The following PATJ variants were observed in gnomAD, a reference collection of about 807,000 sequenced individuals.
PATJ encodes PATJ crumbs cell polarity complex component, also known as inaD-like protein.
PATJ carries 190 observed loss-of-function variants against 224.9 expected under a neutral mutation model. The observed-to-expected ratio is 0.84, with a 90% CI of 0.75 to 0.95. The LOEUF (loss-of-function observed/expected upper bound fraction) is 0.95, where lower values mean the gene tolerates loss of function less well. Ranked by LOEUF, PATJ falls within the 40% of genes least tolerant of loss-of-function variation. PATJ has a pLI of 0.00. For synonymous variants in PATJ, 769 were observed against 820.3 expected, an observed-to-expected ratio of 0.94 and a Z score of 1.07; for missense variants, 2,121 against 2,270.3, an observed-to-expected ratio of 0.93 and a Z score of 1.34.
At chr1:61,815,162 G>T (rs987912138) in intron 14 of PATJ, among the ~76,000 whole-genome samples, 4 of 152,212 alleles carry the variant, frequency 2.6e-5, no homozygotes, top group Non-Finnish European at 4.4e-5. Flanking sequence ...TCTGAGCCCA[G>T]GCTTGAAGGA....
At chr1:62,002,565 C>T (rs1645839480) in intron 28 of PATJ, among the ~76,000 whole-genome samples, 3 of 151,788 alleles carry the variant, frequency 2.0e-5, no homozygotes, top group Non-Finnish European at 2.9e-5. Context: ...AAAAATTAGC[C>T]GGGTGTGGTA....
At chr1:61,916,784 G>T (rs1673507111) in intron 26 of PATJ, among the ~76,000 whole-genome samples, 2 of 152,186 alleles carry the variant, frequency 1.3e-5, no homozygotes, top group Non-Finnish European at 1.5e-5. Context: ...GGAGGCTAGA[G>T]TCTTCTTTCA....
chr1:62,121,156 G>A (rs377452948), intron 37 of PATJ, 25 bp from the exon 38 acceptor site: 5 of 1,490,890 alleles, frequency 3.4e-6, no homozygotes, highest in African/African-American at 1.4e-5. Flanking sequence ...TCTGCACACA[G>A]GTGACCCCTG....
chr1:61,892,884 G>A (rs1669806674), intron 22 of PATJ, among the ~76,000 whole-genome samples: 2 of 152,128 alleles, frequency 1.3e-5, no homozygotes, highest in African/African-American at 4.8e-5. Flanking sequence ...TGTTCTGTAG[G>A]TTTGGAAAGT....
At chr1:62,079,139 A>G (rs1481931829) in intron 31 of PATJ, among the ~76,000 whole-genome samples, 1 of 152,130 alleles carries the variant, frequency 6.6e-6, no homozygotes, top group Non-Finnish European at 1.5e-5. Context: ...TAGAAATTGC[A>G]AGATAATTTT....
Position 61,939,676 on chromosome 1 carries a change from C to CTTTTTTTTTTTTTTTTT in PATJ, c.3670+11857_3670+11873dup, listed in dbSNP as rs71050183. 3.4e-5 allele frequency among the ~76,000 whole-genome samples: 2 copies of CTTTTTTTTTTTTTTTTT among 58,874 alleles called. 1 individual carries two copies. The highest frequency in any genetic ancestry group is 1.9e-4 in the African/African-American group (2 of 10,670). 38.6% of individuals were successfully genotyped at this position (58,874 alleles called of 152,430 possible). A position where few individuals can be genotyped will look rare whatever the true frequency, so the allele number is the denominator to read the frequency against. Reference sequence around the variant, plus strand: ...AGCATGTATAAAAAGTTTCTATGTGCTTTTTTTTTTTTTTTTTTTTTTTTT... The same window carrying CTTTTTTTTTTTTTTTTT: ...AGCATGTATAAAAAGTTTCTATGTGCTTTTTTTTTTTTTTTTTTTTTTTTTTTTTTTTTTTTTTTTTT... On this transcript the variant is annotated intron_variant, in intron 27 of 43. Transcript: ENST00000642238.
At chr1:62,145,912 C>T (rs1224268309) in intron 41 of PATJ, among the ~76,000 whole-genome samples, 2 of 152,120 alleles carry the variant, frequency 1.3e-5, no homozygotes, top group African/African-American at 4.8e-5. Context: ...GAGCCGAGAT[C>T]GTGCCACTGC....
chr1:62,148,677 A>G (rs1438214921), intron 42 of PATJ, among the ~76,000 whole-genome samples: 1 of 152,080 alleles, frequency 6.6e-6, no homozygotes, highest in African/African-American at 2.4e-5. Context: ...ACGCTGCTTT[A>G]TTGTGCAAGG....
At chr1:61,952,477 T>C (rs1264836265) in intron 27 of PATJ, 2 of 715,482 alleles carry the variant, frequency 2.8e-6, no homozygotes, top group African/African-American at 3.5e-5. Context: ...TGTTTTAGTG[T>C]TGGTGCAGAA....
chr1:61,780,749 T>C (rs887860034), intron 7 of PATJ, among the ~76,000 whole-genome samples: 10 of 152,166 alleles, frequency 6.6e-5, no homozygotes, highest in African/African-American at 2.4e-4. Flanking sequence ...GTTTCTTTAC[T>C]GTAAGAATTT....
chr1:61,861,280 C>CTTTTTTTT (rs1420297062), intron 18 of PATJ, among the ~76,000 whole-genome samples: 12 of 28,638 alleles, frequency 4.2e-4, no homozygotes, highest in South Asian at 1.3e-3. Flanking sequence ...TATTTTCTTT[C>CTTTTTTTT]TTTCTTTTTT....
At chr1:62,064,922 A>G (rs1202411676) in intron 31 of PATJ, among the ~76,000 whole-genome samples, 1 of 152,212 alleles carries the variant, frequency 6.6e-6, no homozygotes, top group Admixed American at 6.5e-5. Flanking sequence ...GCAGGAGTCT[A>G]GGAATTCCCT....
intron 20 of PATJ, among the ~76,000 whole-genome samples, chr1:61,869,501 A>G (rs1000743819): frequency 9.9e-5 from 15 of 152,116 alleles, no homozygotes; most frequent in Non-Finnish European, 2.2e-4. Flanking sequence ...ACCCACCTCA[A>G]GAGGGAATGT....
At chr1:61,813,365 A>ATATT (rs1655310008) in intron 14 of PATJ, among the ~76,000 whole-genome samples, 1 of 48,326 alleles carries the variant, frequency 2.1e-5, no homozygotes, top group African/African-American at 7.6e-5. Flanking sequence ...ATATATATAT[A>ATATT]TATATATATA....
intron 16 of PATJ, among the ~76,000 whole-genome samples, chr1:61,831,443 G>T (rs1000655606): frequency 6.6e-6 from 1 of 152,038 alleles, no homozygotes; most frequent in Non-Finnish European, 1.5e-5. Context: ...ATCTGACAAA[G>T]ATCTAATATC....
At chr1:61,848,130 GA>G (rs1290404608) in intron 17 of PATJ, among the ~76,000 whole-genome samples, 1 of 152,140 alleles carries the variant, frequency 6.6e-6, no homozygotes, top group Non-Finnish European at 1.5e-5. Context: ...TAGGATTTTA[GA>G]GTTGAAAGAA....
chr1:61,760,590 G>A (rs1645906395), intron 1 of PATJ, among the ~76,000 whole-genome samples: 1 of 150,916 alleles, frequency 6.6e-6, no homozygotes, highest in African/African-American at 2.4e-5. Flanking sequence ...CACTTTGAGT[G>A]GTTTCTTTTT....
At chr1:62,150,135 T>A (rs897677535) in intron 42 of PATJ, among the ~76,000 whole-genome samples, 1 of 152,168 alleles carries the variant, frequency 6.6e-6, no homozygotes, top group African/African-American at 2.4e-5. Flanking sequence ...GGTGAGCTGT[T>A]ACTGAGAGTG....
intron 27 of PATJ, among the ~76,000 whole-genome samples, chr1:61,989,638 T>C (rs1290866303): frequency 6.6e-6 from 1 of 152,128 alleles, no homozygotes; most frequent in Non-Finnish European, 1.5e-5. Flanking sequence ...GCTAATGTTT[T>C]TGCTTCCCTT....
Sources: allele counts gnomAD v4.1 joint callset (sites outside exome capture counted in the v4.1 genomes callset), GRCh38; gene constraint gnomAD v4.1.1; transcripts MANE v1.5; gene names NCBI Gene and HGNC (gene_info 2026-07-23, HGNC 2026-07-21).